The following FCMR variants were observed in gnomAD, a reference collection of about 807,000 sequenced individuals.
The protein encoded by FCMR is immunoglobulin mu Fc receptor.
Under a neutral mutation model 41.6 loss-of-function variants are expected in FCMR, and 34 were observed. The observed-to-expected ratio is 0.82, with a 90% CI of 0.62 to 1.09. FCMR has a LOEUF of 1.09. Ranked by LOEUF, FCMR falls within the 50% of genes least tolerant of loss-of-function variation. The pLI, the probability that FCMR is intolerant of heterozygous loss-of-function variation, is 0.00. For missense variants in FCMR, 496 were observed against 512.5 expected, an observed-to-expected ratio of 0.97 and a Z score of 0.31; for synonymous variants, 209 against 211.8, an observed-to-expected ratio of 0.99 and a Z score of 0.12.
chr1:206,911,742 A>G lies in FCMR; in HGVS notation c.698T>C (p.Leu233Pro). 3 of 1,611,010 alleles carry G rather than the reference A, an allele frequency of 1.9e-6. No homozygotes were observed. Among genetic ancestry groups the G allele is most frequent in the East Asian group, 4.5e-5 (2 of 44,844 alleles). Residue 233 changes from leucine (L) to proline (P), a missense_variant, in exon 4 of 8, where the codon CTG (leucine) becomes CCG (proline). Physicochemically the swap from Leu to Pro is moderately conservative, Grantham distance 98. Coordinates refer to ENST00000367091, the MANE Select transcript of FCMR (RefSeq NM_005449.5). ...AGTGGTCTCTTACCTCTGCCTGTGC[A>G]GCCTGGTGTGGTGGTTGTAGCTGGG... ...QTPSYNHHTR[L>P]HRQRALDYGS...
chr1:206,913,509 C>T, intron 2 of FCMR: 1 of 553,526 alleles, frequency 1.8e-6, no homozygotes, highest in Non-Finnish European at 3.2e-6. Flanking sequence ...CTACTCCCCT[C>T]ATGCCCTGGG....
chr1:206,914,867 A>ACCAAAC (rs1235835133), intron 1 of FCMR, among the ~76,000 whole-genome samples: 4 of 152,058 alleles, frequency 2.6e-5, no homozygotes, highest in African/African-American at 9.7e-5. Flanking sequence ...TGGCCTCACC[A>ACCAAAC]CCAAACCCAA....
chr1:206,905,217 C>G (rs1678573543), intron 7 of FCMR, 70 bp from the exon 8 acceptor site: 1 of 1,570,650 alleles, frequency 6.4e-7, no homozygotes, highest in Admixed American at 1.7e-5. Flanking sequence ...GGTGGATTTT[C>G]ATAGTGGGCA....
At chr1:206,912,103 C>T in intron 3 of FCMR, 151 bp from the exon 4 acceptor site, 1 of 638,054 alleles carries the variant, frequency 1.6e-6, no homozygotes, top group East Asian at 3.1e-5. Flanking sequence ...TCCTTTTTAA[C>T]ATGCTATCTA....
At chr1:206,919,850 G>A (rs991655012) in intron 1 of FCMR, among the ~76,000 whole-genome samples, 4 of 152,048 alleles carry the variant, frequency 2.6e-5, no homozygotes, top group African/African-American at 4.8e-5. Context: ...ACCAACCACC[G>A]TGCCCTCCTA....
rs757306767 is a variant in FCMR at position 206,921,862 on chromosome 1, T to G, written c.-8A>C. The G allele has an allele frequency of 1.9e-6, 3 of 1,614,020 alleles. No homozygotes were observed. Among genetic ancestry groups the G allele is most frequent in the Admixed American group, 1.7e-5 (1 of 60,018 alleles). ...CCAAAGCCAGAAGTCCATTGTCCCT[T>G]CTAGAGTGCAAGGTCCATCCAAGAG... On this transcript the variant is annotated 5_prime_UTR_variant, in exon 1 of 8. Transcript: ENST00000367091.
rs1368580220 is a variant in FCMR, at chr1:206,909,872, C to T, written c.842-4G>A. Reference sequence around the variant, plus strand: ...CGGCGGGCCCGCCTGGAGAGGGCTTCCCCACAAAGCCACGGGAAGAGGGAG... The same window carrying T: ...CGGCGGGCCCGCCTGGAGAGGGCTTTCCCACAAAGCCACGGGAAGAGGGAG... On this transcript the variant is annotated splice_polypyrimidine_tract_variant and splice_region_variant and intron_variant, in intron 5 of 7. Transcript: ENST00000367091. This position sits in a 1 kb window ranked among gnomAD's most constrained non-coding sequence, Gnocchi z 5.0. 7.3e-7 allele frequency: 1 copy of T among 1,375,780 alleles called. No homozygotes were observed. The highest frequency in any genetic ancestry group is 3.1e-5 in the East Asian group (1 of 32,258). The allele number at this position is 1,375,780 out of a possible 1,614,324, so 85.2% of individuals were successfully genotyped here. A position where few individuals can be genotyped will look rare whatever the true frequency, so the allele number is the denominator to read the frequency against.
upstream of FCMR, among the ~76,000 whole-genome samples, chr1:206,922,656 C>T (rs746540727): frequency 6.6e-6 from 1 of 152,224 alleles, no homozygotes; most frequent in Non-Finnish European, 1.5e-5. Flanking sequence ...CCAGTGACCA[C>T]CAAGGCAATG....
chr1:206,919,759 G>A (rs1352636560), intron 1 of FCMR, among the ~76,000 whole-genome samples: 1 of 152,146 alleles, frequency 6.6e-6, no homozygotes, highest in Non-Finnish European at 1.5e-5. Flanking sequence ...CTGAAGTGGT[G>A]CAATTTGAGG....
intron 1 of FCMR, among the ~76,000 whole-genome samples, chr1:206,916,232 C>G (rs1175814799): frequency 6.6e-6 from 1 of 152,178 alleles, no homozygotes; most frequent in Non-Finnish European, 1.5e-5. Flanking sequence ...AAGTGTCAAT[C>G]AACAGACAAA....
Position 206,913,900 on chromosome 1 carries a change from G to C in FCMR, c.232C>G (p.Leu78Val), listed in dbSNP as rs765390434. ...AGATTCTTGCGTGGGTATTGCTTCA[G>C]AGTAACTCGGCCCTTGTATTCTGCC... Reference protein sequence around the residue: ...IKAEYKGRVTLKQYPRKNLFL... With the variant: ...IKAEYKGRVTVKQYPRKNLFL... The change falls in exon 2 of 8, where the codon CTG becomes GTG. Residue 78 changes from leucine (L) to valine (V), a missense_variant. Leu to Val is a conservative substitution (Grantham distance 32). Transcript: ENST00000367091. 1 of 1,614,234 alleles carries C rather than the reference G, an allele frequency of 6.2e-7. No individual in the cohort carries two copies. The highest frequency in any genetic ancestry group is 1.1e-5 in the South Asian group (1 of 91,088).
intron 1 of FCMR, among the ~76,000 whole-genome samples, chr1:206,920,247 G>A (rs983001796): frequency 6.6e-6 from 1 of 152,126 alleles, no homozygotes; most frequent in East Asian, 1.9e-4. Context: ...CTGAGGTCAG[G>A]AGTTCAAGAC....
chr1:206,907,895 AGT>A (rs1678741981), intron 7 of FCMR: 1 of 1,281,818 alleles, frequency 7.8e-7, no homozygotes, highest in South Asian at 1.2e-5. Flanking sequence ...CAAGAGACCA[AGT>A]GAGGCCAGGC....
At chr1:206,907,095 T>TGGGGGGGGG (rs1558645957) in intron 7 of FCMR, among the ~76,000 whole-genome samples, 1 of 12,078 alleles carries the variant, frequency 8.3e-5, no homozygotes, top group African/African-American at 3.0e-4. Flanking sequence ...GGTGGGGGGG[T>TGGGGGGGGG]GGGGGGGTGG....
chr1:206,907,734 A>T, intron 7 of FCMR: 1 of 992,852 alleles, frequency 1.0e-6, no homozygotes, highest in Non-Finnish European at 1.6e-6. Context: ...GTACGCTGGG[A>T]GGGCATCAAC....
chr1:206,918,043 A>G (rs1679267309), intron 1 of FCMR, among the ~76,000 whole-genome samples: 1 of 151,918 alleles, frequency 6.6e-6, no homozygotes, highest in Non-Finnish European at 1.5e-5. Flanking sequence ...ATACCTCCCA[A>G]TTTCTCTTCA....
At chr1:206,913,434 T>C (rs1679030342) in intron 2 of FCMR, among the ~76,000 whole-genome samples, 2 of 152,198 alleles carry the variant, frequency 1.3e-5, no homozygotes, top group Non-Finnish European at 2.9e-5. Context: ...ACAATTACGT[T>C]GGATAGTTAT....
chr1:206,914,081 C>T lies in FCMR; in HGVS notation c.51G>A (p.Leu17=). ...PLYFLPVSGA[L]RILPEVKVEG... is the part of the protein sequence containing the mutation. ...CTACCTTTACTTCTGGGAGGATCCT[C>T]AGGGCCCCCGATACTGCAGGGAGAG... The change falls in exon 2 of 8, where the codon CTG becomes CTA. Residue 17 remains leucine (L), a synonymous_variant. Coordinates refer to ENST00000367091, the MANE Select transcript of FCMR (RefSeq NM_005449.5). 1 of 1,613,704 alleles carries T rather than the reference C, an allele frequency of 6.2e-7. No homozygotes were observed. Among genetic ancestry groups the T allele is most frequent in the Non-Finnish European group, 8.5e-7 (1 of 1,179,694 alleles).
intron 1 of FCMR, among the ~76,000 whole-genome samples, chr1:206,919,653 G>A (rs920037620): frequency 2.0e-5 from 3 of 152,130 alleles, no homozygotes; most frequent in African/African-American, 7.2e-5. Context: ...GGCCTGCAAA[G>A]TGCTCACCCT....
Sources: gnomAD v4.1 joint callset for allele counts (sites outside exome capture counted in the v4.1 genomes callset) on GRCh38, gnomAD v4.1.1 for gene constraint, Gnocchi (gnomAD v3.1) non-coding constraint, MANE v1.5 for transcripts, NCBI Gene and HGNC (gene_info 2026-07-23, HGNC 2026-07-21) for gene names.